TRIO: variants seen among roughly 807,000 people sequenced by gnomAD.
The protein encoded by TRIO is trio Rho guanine nucleotide exchange factor, also known as triple functional domain protein.
A neutral mutation model predicts 351.9 loss-of-function variants in TRIO; 58 were observed. The ratio of observed to expected loss-of-function variants is 0.16; its 90% CI spans 0.13 to 0.21. TRIO has a LOEUF of 0.21. Ranked by LOEUF, TRIO falls within the 10% of genes least tolerant of loss-of-function variation. The probability of loss-of-function intolerance (pLI) is 1.00; values close to 1 mark genes in which losing one functional copy is unlikely to be tolerated. For missense variants in TRIO, 3,201 were observed against 4,027.8 expected (o/e 0.79, Z 5.56); for synonymous variants, 1,758 against 1,595.7 (o/e 1.10, Z -2.42).
chr5:14,399,177 C>G (rs1211940439), intron 30 of TRIO, 107 bp downstream of exon 30: 9 of 1,072,700 alleles, frequency 8.4e-6, no homozygotes, highest in African/African-American at 1.6e-5. Flanking sequence ...CCCAATCTGT[C>G]CTGAAATGTT....
intron 8 of TRIO, among the ~76,000 whole-genome samples, chr5:14,315,829 A>G (rs1405092636): frequency 1.3e-5 from 2 of 152,238 alleles, no homozygotes; most frequent in African/African-American, 4.8e-5. Flanking sequence ...TTCTTTGATT[A>G]ACCCGAATAC....
Position 14,497,967 on chromosome 5 carries a change from T to C in TRIO, c.8047+93T>C. 1 of 1,609,528 alleles carries C rather than the reference T, an allele frequency of 6.2e-7. No individual in the cohort carries two copies. Among genetic ancestry groups the C allele is most frequent in the Non-Finnish European group, 8.5e-7 (1 of 1,176,384 alleles). ...CTTGAGTGTGGCCTCTGGAAATGAG[T>C]TTTCCGTGGCGCTCTAGGCGTGCAT... On this transcript the variant is annotated intron_variant, in intron 51 of 56. Coordinates refer to ENST00000344204, the MANE Select transcript of TRIO (RefSeq NM_007118.4). This position sits in a 1 kb window ranked among gnomAD's most constrained non-coding sequence, Gnocchi z 4.4.
intron 1 of TRIO, among the ~76,000 whole-genome samples, chr5:14,149,585 G>A (rs1468801687): frequency 1.3e-5 from 2 of 152,160 alleles, no homozygotes; most frequent in Non-Finnish European, 2.9e-5. Context: ...GGGGGGCAGA[G>A]GGCATTGACC....
In TRIO at chr5:14,509,436, T is replaced by C. The variant is rs758450786; in HGVS notation, c.*1014T>C. 7 of 469,780 alleles carry C rather than the reference T, an allele frequency of 1.5e-5. No individual in the cohort carries two copies. Among genetic ancestry groups the C allele is most frequent in the Non-Finnish European group, 3.0e-5 (7 of 233,814 alleles). The allele number at this position is 469,780 out of a possible 1,614,324, so 29.1% of individuals were successfully genotyped here. A position where few individuals can be genotyped will look rare whatever the true frequency, so the allele number is the denominator to read the frequency against. On this transcript the variant is annotated 3_prime_UTR_variant, in exon 57 of 57. Coordinates refer to ENST00000344204, the MANE Select transcript of TRIO (RefSeq NM_007118.4). ...TAGGGTCGTAGCCCTGTGCCATCGG[T>C]TCAAAGAGACTTTTCGTGAAATTTG...
chr5:14,156,559 T>G (rs1788112084), intron 1 of TRIO, among the ~76,000 whole-genome samples: 1 of 152,150 alleles, frequency 6.6e-6, no homozygotes, highest in South Asian at 2.1e-4. Context: ...TACCACAGGG[T>G]GCATTTTAGT....
intron 28 of TRIO, among the ~76,000 whole-genome samples, chr5:14,396,443 CTTTTTTTTTTTTTTTTTTTTTTTTTTT>C (rs1173121592): frequency 0.064 from 2,654 of 41,630 alleles, 104 homozygotes; most frequent in Non-Finnish European, 0.09. Flanking sequence ...TTCTATTTAT[CTTTTTTTTTTTTTTTTTTTTTTTTTTT>C]TTTTTTTTTT....
chr5:14,458,425 C>T (rs1324628421), intron 34 of TRIO, among the ~76,000 whole-genome samples: 1 of 152,194 alleles, frequency 6.6e-6, no homozygotes, highest in African/African-American at 2.4e-5. Context: ...CCTCAAAGGC[C>T]AGCTTCAGTG....
chr5:14,211,939 A>T (rs1226608580), intron 1 of TRIO, among the ~76,000 whole-genome samples: 2 of 141,338 alleles, frequency 1.4e-5, no homozygotes, highest in African/African-American at 2.7e-5. Context: ...CAGTGGTGAG[A>T]CCCCATCTCT....
At chr5:14,174,623 C>G (rs1279080048) in intron 1 of TRIO, among the ~76,000 whole-genome samples, 1 of 152,192 alleles carries the variant, frequency 6.6e-6, no homozygotes, top group South Asian at 2.1e-4. Flanking sequence ...ACCCTTGCCC[C>G]AAGAAGATTC....
At chr5:14,147,651 G>A (rs1787596064) in intron 1 of TRIO, among the ~76,000 whole-genome samples, 1 of 152,182 alleles carries the variant, frequency 6.6e-6, no homozygotes, top group Non-Finnish European at 1.5e-5. Context: ...CAGGGAACAG[G>A]TGAAGAAAAT....
At chr5:14,398,003 G>A (rs116179793) in intron 29 of TRIO, among the ~76,000 whole-genome samples, 2,157 of 152,304 alleles carry the variant, frequency 0.014, 15 homozygotes, top group Non-Finnish European at 0.024. Flanking sequence ...GGGGAAGAAA[G>A]TCAGGGAGGA....
At chr5:14,417,989 C>T (rs1749781984) in intron 33 of TRIO, among the ~76,000 whole-genome samples, 1 of 152,126 alleles carries the variant, frequency 6.6e-6, no homozygotes, top group African/African-American at 2.4e-5. Flanking sequence ...CTCCGCCCTC[C>T]CAGTCCAGGG....
intron 1 of TRIO, among the ~76,000 whole-genome samples, chr5:14,144,490 G>A (rs1787374876): frequency 6.6e-6 from 1 of 152,152 alleles, no homozygotes; most frequent in Non-Finnish European, 1.5e-5. Context: ...AGGGAGTGGG[G>A]ACGGTGGCCG....
chr5:14,205,522 G>A (rs1791401534), intron 1 of TRIO, among the ~76,000 whole-genome samples: 1 of 151,934 alleles, frequency 6.6e-6, no homozygotes. Flanking sequence ...AAAACCCCTG[G>A]AAAAAATAGG....
intron 33 of TRIO, among the ~76,000 whole-genome samples, chr5:14,410,515 TAGTTTA>T (rs1749110773): frequency 6.6e-6 from 1 of 152,198 alleles, no homozygotes; most frequent in Non-Finnish European, 1.5e-5. Context: ...CTGCCCTACG[TAGTTTA>T]AGTTTAAGCA....
chr5:14,362,730 C>G (rs1364557561), intron 13 of TRIO, among the ~76,000 whole-genome samples: 1 of 152,184 alleles, frequency 6.6e-6, no homozygotes. Flanking sequence ...CTGGGCCTGT[C>G]TAATCCCACT....
intron 1 of TRIO, among the ~76,000 whole-genome samples, chr5:14,269,724 A>G (rs1795880591): frequency 6.6e-6 from 1 of 152,064 alleles, no homozygotes; most frequent in African/African-American, 2.4e-5. Context: ...TGCTCAGGAC[A>G]CCAAAAGTGA....
At chr5:14,394,891 C>T (rs937748953) in intron 28 of TRIO, among the ~76,000 whole-genome samples, 9 of 152,056 alleles carry the variant, frequency 5.9e-5, no homozygotes, top group Non-Finnish European at 1.2e-4. Context: ...TCTTGACTAC[C>T]TAAAAATTGA....
At chr5:14,438,209 CCTTT>C (rs1751751889) in intron 34 of TRIO, among the ~76,000 whole-genome samples, 1 of 152,216 alleles carries the variant, frequency 6.6e-6, no homozygotes, top group African/African-American at 2.4e-5. Context: ...ACATCTCTCT[CCTTT>C]CTTTGCAAAA....
Sources: allele counts gnomAD v4.1 joint callset (sites outside exome capture counted in the v4.1 genomes callset), GRCh38; gene constraint gnomAD v4.1.1; non-coding constraint Gnocchi (gnomAD v3.1); transcripts MANE v1.5; gene names NCBI Gene and HGNC (gene_info 2026-07-23, HGNC 2026-07-21).